ENTREP2: variants seen among roughly 807,000 people sequenced by gnomAD.
The protein encoded by ENTREP2 is protein ENTREP2.
chr15:29,486,193 C>A, the ENTREP2 span, among the ~76,000 whole-genome samples: 1 of 131,846 alleles, frequency 7.6e-6, no homozygotes, highest in Non-Finnish European at 1.7e-5. Context: ...CACACACAAA[C>A]ACACAATAGA....
the ENTREP2 span, among the ~76,000 whole-genome samples, chr15:29,438,803 T>C: frequency 3.3e-5 from 5 of 152,256 alleles, no homozygotes; most frequent in Admixed American, 6.5e-5. Flanking sequence ...TAAGGGAAGA[T>C]AGAATTGCAG....
chr15:29,254,987 T>A, the ENTREP2 span, among the ~76,000 whole-genome samples: 1 of 152,160 alleles, frequency 6.6e-6, no homozygotes, highest in African/African-American at 2.4e-5. Flanking sequence ...CTTAAACACA[T>A]TTGATAGTTT....
At chr15:29,280,839 T>C in the ENTREP2 span, among the ~76,000 whole-genome samples, 1 of 152,222 alleles carries the variant, frequency 6.6e-6, no homozygotes, top group South Asian at 2.1e-4. Context: ...TCCCTTCATC[T>C]GCATGGATAA....
At chr15:29,278,578 C>T in the ENTREP2 span, among the ~76,000 whole-genome samples, 1 of 152,306 alleles carries the variant, frequency 6.6e-6, no homozygotes, top group African/African-American at 2.4e-5. Context: ...AGACAGTGTG[C>T]CCTCTGATGC....
chr15:29,169,793 C>T, the ENTREP2 span, among the ~76,000 whole-genome samples: 2 of 152,146 alleles, frequency 1.3e-5, no homozygotes, highest in African/African-American at 4.8e-5. Context: ...AGAAACCCTA[C>T]AGCAAACATC....
chr15:29,571,579 A>G, the ENTREP2 span, among the ~76,000 whole-genome samples: 30 of 152,328 alleles, frequency 2.0e-4, no homozygotes, highest in African/African-American at 6.7e-4. Flanking sequence ...GACACACACG[A>G]TGTCCCTTAC....
At chr15:29,577,349 T>TGTGTGA in the ENTREP2 span, among the ~76,000 whole-genome samples, 1,702 of 144,342 alleles carry the variant, frequency 0.012, 32 homozygotes, top group African/African-American at 0.038. Context: ...TGTGTGTGTG[T>TGTGTGA]GAGAGAGAGA....
At chr15:29,480,887 T>G in the ENTREP2 span, among the ~76,000 whole-genome samples, 1 of 151,882 alleles carries the variant, frequency 6.6e-6, no homozygotes, top group South Asian at 2.1e-4. Flanking sequence ...GGGACCACCA[T>G]GGGAAGGAGG....
chr15:29,232,235 A>G, the ENTREP2 span, among the ~76,000 whole-genome samples: 1 of 152,108 alleles, frequency 6.6e-6, no homozygotes, highest in South Asian at 2.1e-4. Flanking sequence ...AAAGTTTTCT[A>G]ATTGATTTTA....
At chr15:29,534,579 CAAGAT>C in the ENTREP2 span, among the ~76,000 whole-genome samples, 2 of 152,078 alleles carry the variant, frequency 1.3e-5, no homozygotes, top group Non-Finnish European at 2.9e-5. Context: ...AATGAAATGC[CAAGAT>C]AAGAGTAAAT....
At chr15:29,441,683 A>G in the ENTREP2 span, among the ~76,000 whole-genome samples, 1 of 152,142 alleles carries the variant, frequency 6.6e-6, no homozygotes, top group East Asian at 1.9e-4. Flanking sequence ...AAATTACACA[A>G]GTATTTACAT....
At chr15:29,170,877 C>T in the ENTREP2 span, among the ~76,000 whole-genome samples, 117 of 152,298 alleles carry the variant, frequency 7.7e-4, 1 homozygote, top group Admixed American at 3.1e-3. Context: ...GCTGCTGTAA[C>T]GGAATAACAG....
chr15:29,380,439 A>G, the ENTREP2 span, among the ~76,000 whole-genome samples: 1 of 152,208 alleles, frequency 6.6e-6, no homozygotes, highest in Non-Finnish European at 1.5e-5. Context: ...GATTTTAAAT[A>G]ATTGATTAAT....
the ENTREP2 span, among the ~76,000 whole-genome samples, chr15:29,369,612 CA>C: frequency 0.019 from 2,831 of 152,138 alleles, 88 homozygotes; most frequent in African/African-American, 0.065. Flanking sequence ...CACACACACA[CA>C]CACCCAGGTG....
At chr15:29,507,562 C>T in the ENTREP2 span, among the ~76,000 whole-genome samples, 1 of 152,170 alleles carries the variant, frequency 6.6e-6, no homozygotes, top group Non-Finnish European at 1.5e-5. Context: ...TCACTCAGAC[C>T]ACAGTGCAAT....
the ENTREP2 span, among the ~76,000 whole-genome samples, chr15:29,642,533 TATC>T: frequency 6.8e-6 from 1 of 148,058 alleles, no homozygotes; most frequent in African/African-American, 2.5e-5. Context: ...TACACATATA[TATC>T]ATATGTACAT....
chr15:29,242,827 C>G, the ENTREP2 span, among the ~76,000 whole-genome samples: 1 of 152,142 alleles, frequency 6.6e-6, no homozygotes, highest in African/African-American at 2.4e-5. Context: ...GAGGGAAGGC[C>G]CTTGCATCGA....
the ENTREP2 span, among the ~76,000 whole-genome samples, chr15:29,294,914 CT>C: frequency 1.3e-5 from 2 of 152,274 alleles, no homozygotes; most frequent in Middle Eastern, 6.8e-3. Context: ...TGTGGGGAGC[CT>C]TCTTCATTGC....
At chr15:29,662,683 G>A in the ENTREP2 span, among the ~76,000 whole-genome samples, 3 of 151,932 alleles carry the variant, frequency 2.0e-5, no homozygotes, top group African/African-American at 4.8e-5. Context: ...TCCATGCCAC[G>A]CACACGAGCC....
Sources: gnomAD v4.1 joint callset for allele counts (sites outside exome capture counted in the v4.1 genomes callset) on GRCh38, gnomAD v4.1.1 for gene constraint, MANE v1.5 for transcripts, NCBI Gene and HGNC (gene_info 2026-07-23, HGNC 2026-07-21) for gene names.